BICRAL: variants seen among roughly 807,000 people sequenced by gnomAD.
The protein encoded by BICRAL is BRD4-interacting chromatin-remodeling complex-associated protein-like.
BICRAL carries 8 observed loss-of-function variants against 91.8 expected under a neutral mutation model. The observed-to-expected ratio is 0.09, with a 90% CI of 0.05 to 0.16. BICRAL has a LOEUF of 0.16. Among genes scored for constraint, BICRAL ranks in the 10% least tolerant of loss-of-function variants. BICRAL has a pLI of 1.00. For synonymous variants in BICRAL, 445 were observed against 491.1 expected (o/e 0.91, Z 1.24); for missense variants, 1,038 against 1,310.9 (o/e 0.79, Z 3.21).
At chr6:42,836,889 G>C (rs2113975326) in intron 6 of BICRAL, among the ~76,000 whole-genome samples, 1 of 151,132 alleles carries the variant, frequency 6.6e-6, no homozygotes, top group African/African-American at 2.4e-5. Context: ...CAGAGTGCTG[G>C]GATTACAGGT....
chr6:42,749,526 AG>A (rs1161980461), intron 1 of BICRAL, among the ~76,000 whole-genome samples: 1 of 152,202 alleles, frequency 6.6e-6, no homozygotes, highest in African/African-American at 2.4e-5. Context: ...AATAGCTAGA[AG>A]AAAGGATTTG....
intron 10 of BICRAL, among the ~76,000 whole-genome samples, chr6:42,859,140 C>G (rs1765475942): frequency 6.6e-6 from 1 of 152,020 alleles, no homozygotes; most frequent in Non-Finnish European, 1.5e-5. Flanking sequence ...CCTATAAGCC[C>G]AGCATTTTGG....
rs11334649 is a variant in BICRAL, at chr6:42,789,639, C to CAA, written c.-102+7554_-102+7555dup. ...CCTGGGTGACATAGCTAGACTGTCTCAAAAAAAAAAAAAAAAAGAATGAAC... is the reference window on the plus strand; with the variant it reads ...CCTGGGTGACATAGCTAGACTGTCTCAAAAAAAAAAAAAAAAAAAGAATGAAC... On this transcript the variant is annotated intron_variant, in intron 1 of 12. Transcript: ENST00000314073. 9.1e-3 allele frequency among the ~76,000 whole-genome samples: 1,003 copies of CAA among 109,994 alleles called. 13 individuals carry two copies. Among genetic ancestry groups the CAA allele is most frequent in the African/African-American group, 0.031 (969 of 31,626 alleles). 72.2% of individuals were successfully genotyped at this position (109,994 alleles called of 152,430 possible). A position where few individuals can be genotyped will look rare whatever the true frequency, so the allele number is the denominator to read the frequency against.
At chr6:42,835,215 G>A (rs913522788) in intron 6 of BICRAL, among the ~76,000 whole-genome samples, 1 of 151,640 alleles carries the variant, frequency 6.6e-6, no homozygotes, top group Non-Finnish European at 1.5e-5. Flanking sequence ...TGCAACCTCT[G>A]CCTCCCGGGT....
chr6:42,812,435 A>G (rs1712545759), intron 2 of BICRAL, among the ~76,000 whole-genome samples: 1 of 152,166 alleles, frequency 6.6e-6, no homozygotes, highest in African/African-American at 2.4e-5. Flanking sequence ...TCTTCAAAAA[A>G]AATTTGTTTA....
chr6:42,755,873 C>T (rs926052527), intron 1 of BICRAL, among the ~76,000 whole-genome samples: 7 of 151,950 alleles, frequency 4.6e-5, no homozygotes, highest in African/African-American at 1.7e-4. Context: ...GGGGTTTCAC[C>T]GTGTTGCCCA....
chr6:42,856,399 G>A (rs1399030819), intron 9 of BICRAL, among the ~76,000 whole-genome samples: 3 of 94,912 alleles, frequency 3.2e-5, no homozygotes, highest in African/African-American at 1.3e-4. Flanking sequence ...TTTTGAGACA[G>A]AGTCTTGCTC....
At chr6:42,756,316 T>A (rs919558873) in intron 1 of BICRAL, among the ~76,000 whole-genome samples, 1 of 152,200 alleles carries the variant, frequency 6.6e-6, no homozygotes, top group Non-Finnish European at 1.5e-5. Flanking sequence ...AGCAGGAATT[T>A]ATCTCCCTGG....
At chr6:42,783,505 G>A (rs1763001011) in intron 1 of BICRAL, among the ~76,000 whole-genome samples, 1 of 152,172 alleles carries the variant, frequency 6.6e-6, no homozygotes, top group Non-Finnish European at 1.5e-5. Context: ...CAGTTGCTCG[G>A]CGGGCGCCAT....
At chr6:42,763,478 A>G (rs1401738556) in intron 1 of BICRAL, among the ~76,000 whole-genome samples, 1 of 152,238 alleles carries the variant, frequency 6.6e-6, no homozygotes, top group African/African-American at 2.4e-5. Context: ...TTCTTTAGGT[A>G]GGATTTTATT....
chr6:42,821,690 A>G (rs915024669), intron 2 of BICRAL, among the ~76,000 whole-genome samples: 2 of 152,184 alleles, frequency 1.3e-5, no homozygotes, highest in African/African-American at 2.4e-5. Flanking sequence ...TTTATTGTAC[A>G]TTTTGAGGAA....
rs183250167 is a variant in BICRAL at position 42,825,544 on chromosome 6, G to A, written c.159+2541G>A. On this transcript the variant is annotated intron_variant, in intron 5 of 12. Transcript: ENST00000314073. ...TGCGCCACTGCACTTCAGCCCGGGC[G>A]ACAGAGCAAGACTCGGTCTCAAAAA... 9.9e-5 allele frequency among the ~76,000 whole-genome samples: 15 copies of A among 151,100 alleles called. No homozygotes were observed. The South Asian group carries it at 1.3e-3, about 13-fold the overall frequency.
At chr6:42,792,594 A>G (rs1582822205) in intron 1 of BICRAL, among the ~76,000 whole-genome samples, 2 of 151,866 alleles carry the variant, frequency 1.3e-5, no homozygotes, top group South Asian at 2.1e-4. Context: ...TAACCCTGAG[A>G]CTTTTTAGAA....
intron 2 of BICRAL, among the ~76,000 whole-genome samples, chr6:42,814,473 A>G (rs1410125718): frequency 3.7e-5 from 5 of 133,846 alleles, no homozygotes; most frequent in African/African-American, 1.6e-4. Flanking sequence ...ACATACATAT[A>G]CATGCATGTG....
chr6:42,781,837 A>C (rs1347095651), upstream of BICRAL: 2 of 148,672 alleles, frequency 1.3e-5, no homozygotes, highest in Admixed American at 1.3e-4. Flanking sequence ...ATTTTTTGCC[A>C]GGCGAGAACC....
At chr6:42,798,818 G>T (rs970785679) in intron 1 of BICRAL, among the ~76,000 whole-genome samples, 1 of 152,136 alleles carries the variant, frequency 6.6e-6, no homozygotes, top group Non-Finnish European at 1.5e-5. Flanking sequence ...GCGGAGCGTG[G>T]CTACCCCATA....
intron 1 of BICRAL, among the ~76,000 whole-genome samples, chr6:42,751,284 T>G (rs1582795914): frequency 1.3e-5 from 2 of 152,170 alleles, no homozygotes; most frequent in South Asian, 4.1e-4. Flanking sequence ...TGGAGAGCCT[T>G]AAATCACTTT....
intron 1 of BICRAL, among the ~76,000 whole-genome samples, chr6:42,793,122 ATTTTTTTTTTTTTTTTTTTTTT>A (rs1159342197): frequency 1.5e-3 from 56 of 37,252 alleles, no homozygotes; most frequent in Middle Eastern, 0.042. Context: ...TGCCCAGCTA[ATTTTTTTTTTTTTTTTTTTTTT>A]TTTTTTTTTT....
At position 42,848,134 on chromosome 6, in the gene BICRAL, G is replaced by T. The variant is rs558863317; in HGVS notation, c.1840-3958G>T. Among the ~76,000 whole-genome samples the T allele has an allele frequency of 3.7e-4, 50 of 134,866 alleles. 1 individual carries two copies. Among genetic ancestry groups the T allele is most frequent in the Admixed American group, 2.6e-3 (34 of 13,122 alleles). 88.5% of individuals were successfully genotyped at this position (134,866 alleles called of 152,430 possible). A position where few individuals can be genotyped will look rare whatever the true frequency, so the allele number is the denominator to read the frequency against. On this transcript the variant is annotated intron_variant, in intron 6 of 12. Coordinates refer to ENST00000314073, the MANE Select transcript of BICRAL (RefSeq NM_001393499.1). ...ACAGAGTGAGACTCTGTCTCAAAAAGAAAAAAAAAACAGAAAACAGAAAAA... is the reference window on the plus strand; with the variant it reads ...ACAGAGTGAGACTCTGTCTCAAAAATAAAAAAAAAACAGAAAACAGAAAAA...
Sources: allele counts gnomAD v4.1 joint callset (sites outside exome capture counted in the v4.1 genomes callset), GRCh38; gene constraint gnomAD v4.1.1; transcripts MANE v1.5; gene names NCBI Gene and HGNC (gene_info 2026-07-23, HGNC 2026-07-21).